SLC60A1: variants seen among roughly 807,000 people sequenced by gnomAD.
SLC60A1 encodes the protein solute carrier family 60 member 1.
chr1:205,592,281 T>TA, the SLC60A1 span: 3 of 1,613,016 alleles, frequency 1.9e-6, no homozygotes, highest in Non-Finnish European at 2.5e-6. Context: ...CTCGCTGCAG[T>TA]ACAAAGGTGA....
the SLC60A1 span, chr1:205,600,774 T>C: frequency 2.9e-5 from 8 of 275,372 alleles, no homozygotes; most frequent in Non-Finnish European, 5.5e-5. Context: ...GCATGGACCA[T>C]ACTCTGGGTT....
the SLC60A1 span, among the ~76,000 whole-genome samples, chr1:205,571,549 C>T: frequency 2.4e-3 from 372 of 152,206 alleles, 1 homozygote; most frequent in Non-Finnish European, 3.4e-3. Flanking sequence ...TCCTCCCACC[C>T]CCAAGACAAA....
chr1:205,578,689 CCT>C, the SLC60A1 span, among the ~76,000 whole-genome samples: 34,529 of 151,864 alleles, frequency 0.23, 4,619 homozygotes, highest in Non-Finnish European at 0.3. Flanking sequence ...CTGGGGCCCT[CCT>C]CTTTTTTTTT....
chr1:205,584,887 C>T, the SLC60A1 span: 2 of 1,614,086 alleles, frequency 1.2e-6, no homozygotes, highest in Non-Finnish European at 1.7e-6. Context: ...GCATGAGGAC[C>T]TGTTCAGCTG....
At chr1:205,601,061 A>AT in the SLC60A1 span, 1 of 152,246 alleles carries the variant, frequency 6.6e-6, no homozygotes, top group East Asian at 1.9e-4. Context: ...AAGCTGGCTC[A>AT]TACCAACTTA....
the SLC60A1 span, chr1:205,592,106 C>CA: frequency 6.2e-7 from 1 of 1,611,960 alleles, no homozygotes; most frequent in Non-Finnish European, 8.5e-7. Flanking sequence ...CAGCTTTTCG[C>CA]AATTCCTAAC....
chr1:205,585,896 C>A, the SLC60A1 span: 1 of 959,942 alleles, frequency 1.0e-6, no homozygotes, highest in Non-Finnish European at 1.5e-6. The surrounding 1 kb of genome is among the most constrained non-coding windows in gnomAD (Gnocchi z 4.2). Flanking sequence ...CAAGCCCAGC[C>A]CTGGCTGAGC....
At chr1:205,581,136 A>AG in the SLC60A1 span, among the ~76,000 whole-genome samples, 1 of 152,362 alleles carries the variant, frequency 6.6e-6, no homozygotes, top group Middle Eastern at 3.4e-3. The surrounding 1 kb of genome is among the most constrained non-coding windows in gnomAD (Gnocchi z 4.2). Flanking sequence ...GTTCTCAAGG[A>AG]GGGTAAAACA....
At chr1:205,589,274 T>G in the SLC60A1 span, among the ~76,000 whole-genome samples, 31,045 of 151,780 alleles carry the variant, frequency 0.2, 3,564 homozygotes, top group Non-Finnish European at 0.25. Flanking sequence ...CTGGCTGAAG[T>G]TCAAAGGCCC....
the SLC60A1 span, among the ~76,000 whole-genome samples, chr1:205,589,565 C>T: frequency 1.8e-4 from 27 of 152,232 alleles, no homozygotes; most frequent in African/African-American, 5.5e-4. Flanking sequence ...ACAGGTGCCC[C>T]GTGATGTTTC....
chr1:205,592,186 A>G, the SLC60A1 span: 2 of 1,613,562 alleles, frequency 1.2e-6, no homozygotes, highest in East Asian at 2.2e-5. Context: ...TTCTCCTACA[A>G]CGTCGTCTTC....
chr1:205,569,932 G>T, the SLC60A1 span, among the ~76,000 whole-genome samples: 1 of 152,088 alleles, frequency 6.6e-6, no homozygotes, highest in Non-Finnish European at 1.5e-5. Context: ...CATGGTTCCT[G>T]CATGGGCCCC....
the SLC60A1 span, among the ~76,000 whole-genome samples, chr1:205,569,622 G>A: frequency 1.3e-5 from 2 of 151,160 alleles, no homozygotes; most frequent in South Asian, 2.1e-4. Flanking sequence ...CCACCGCCCC[G>A]TGGGGAGAGG....
chr1:205,574,418 T>A, the SLC60A1 span, among the ~76,000 whole-genome samples: 1 of 152,244 alleles, frequency 6.6e-6, no homozygotes, highest in Non-Finnish European at 1.5e-5. Flanking sequence ...CACTCCCACC[T>A]GAGCAACAGA....
the SLC60A1 span, among the ~76,000 whole-genome samples, chr1:205,579,023 G>A: frequency 3.3e-5 from 5 of 152,138 alleles, no homozygotes; most frequent in Non-Finnish European, 5.9e-5. Context: ...AGGGTAGCAG[G>A]CCCTCCCCCT....
chr1:205,596,630 A>G, the SLC60A1 span, among the ~76,000 whole-genome samples: 22 of 137,208 alleles, frequency 1.6e-4, no homozygotes, highest in Non-Finnish European at 2.7e-4. Flanking sequence ...TTCAGTGGGG[A>G]GTGAAGATGT....
chr1:205,582,356 A>G, the SLC60A1 span, among the ~76,000 whole-genome samples: 2 of 152,354 alleles, frequency 1.3e-5, no homozygotes, highest in South Asian at 4.1e-4. Flanking sequence ...CTGAAAATAA[A>G]CAGTCCAGCA....
At chr1:205,585,701 T>A in the SLC60A1 span, among the ~76,000 whole-genome samples, 3 of 127,250 alleles carry the variant, frequency 2.4e-5, no homozygotes, top group African/African-American at 5.8e-5. The surrounding 1 kb of genome is among the most constrained non-coding windows in gnomAD (Gnocchi z 4.2). Context: ...TTTTTTTTTT[T>A]AAGTCATGTT....
At chr1:205,574,340 G>A in the SLC60A1 span, among the ~76,000 whole-genome samples, 1 of 151,966 alleles carries the variant, frequency 6.6e-6, no homozygotes, top group Non-Finnish European at 1.5e-5. Context: ...AGCTACTCAG[G>A]AGGCAGAAGT....
Sources: gnomAD v4.1 joint callset for allele counts (sites outside exome capture counted in the v4.1 genomes callset) on GRCh38, gnomAD v4.1.1 for gene constraint, Gnocchi (gnomAD v3.1) non-coding constraint, MANE v1.5 for transcripts, NCBI Gene and HGNC (gene_info 2026-07-23, HGNC 2026-07-21) for gene names.